The following SLC35D4 variants were observed in gnomAD, a reference collection of about 807,000 sequenced individuals.
SLC35D4 encodes the protein solute carrier family 35 member D4, also known as UDP-N-acetylglucosamine transporter SLC35D4.
chr18:23,245,442 C>T, the SLC35D4 span, among the ~76,000 whole-genome samples: 13 of 148,740 alleles, frequency 8.7e-5, no homozygotes, highest in South Asian at 8.6e-4. Context: ...ACCCGGGAGG[C>T]GGAAGTTGCA....
the SLC35D4 span, among the ~76,000 whole-genome samples, chr18:23,425,252 C>T: frequency 2.7e-3 from 412 of 152,190 alleles, 3 homozygotes; most frequent in African/African-American, 9.5e-3. Flanking sequence ...AGGTGCTCAC[C>T]ATCACACCTG....
chr18:23,252,678 C>A, the SLC35D4 span, among the ~76,000 whole-genome samples: 1 of 152,192 alleles, frequency 6.6e-6, no homozygotes, highest in Admixed American at 6.5e-5. Flanking sequence ...TGGGAACTGA[C>A]ACAGGCACCC....
At chr18:23,249,759 C>T in the SLC35D4 span, among the ~76,000 whole-genome samples, 3 of 152,130 alleles carry the variant, frequency 2.0e-5, no homozygotes, top group Admixed American at 6.5e-5. Flanking sequence ...ACCCCCCGCC[C>T]CCGACAGCCC....
the SLC35D4 span, among the ~76,000 whole-genome samples, chr18:23,435,729 C>G: frequency 3.9e-5 from 6 of 152,374 alleles, no homozygotes; most frequent in South Asian, 2.1e-4. Context: ...AAGTCTGGCT[C>G]TATTGCCCAG....
At chr18:23,330,439 G>A in the SLC35D4 span, among the ~76,000 whole-genome samples, 1 of 151,988 alleles carries the variant, frequency 6.6e-6, no homozygotes, top group African/African-American at 2.4e-5. Flanking sequence ...TTCTAGAGAT[G>A]TCATGGGTCA....
At chr18:23,415,309 T>C in the SLC35D4 span, among the ~76,000 whole-genome samples, 4 of 152,322 alleles carry the variant, frequency 2.6e-5, no homozygotes, top group South Asian at 8.3e-4. Context: ...AAATTTCTGG[T>C]CACAAAGGTA....
At chr18:23,376,932 A>C in the SLC35D4 span, 1 of 456,704 alleles carries the variant, frequency 2.2e-6, no homozygotes, top group Non-Finnish European at 4.4e-6. Context: ...TTGTTCTTTC[A>C]AGGTGCAACC....
chr18:23,410,042 C>T, the SLC35D4 span, among the ~76,000 whole-genome samples: 2 of 152,074 alleles, frequency 1.3e-5, no homozygotes, highest in African/African-American at 4.8e-5. Context: ...ATATCAGGAA[C>T]TTAAGCACCT....
the SLC35D4 span, among the ~76,000 whole-genome samples, chr18:23,409,799 G>A: frequency 2.0e-5 from 3 of 146,720 alleles, no homozygotes; most frequent in Non-Finnish European, 4.5e-5. Flanking sequence ...AGCCGAGATC[G>A]CACCATTGCA....
the SLC35D4 span, among the ~76,000 whole-genome samples, chr18:23,391,795 C>CT: frequency 1.3e-5 from 2 of 151,984 alleles, no homozygotes; most frequent in Admixed American, 6.6e-5. Flanking sequence ...ACTTTCATAA[C>CT]TTTTTTATTT....
At chr18:23,330,555 G>A in the SLC35D4 span, among the ~76,000 whole-genome samples, 7 of 152,154 alleles carry the variant, frequency 4.6e-5, no homozygotes, top group East Asian at 1.4e-3. Context: ...AGGAAACCAC[G>A]CCATTTGCAT....
chr18:23,360,434 A>G, the SLC35D4 span, among the ~76,000 whole-genome samples: 2 of 152,212 alleles, frequency 1.3e-5, no homozygotes, highest in Admixed American at 6.5e-5. Context: ...ATACAATGGA[A>G]CCCTACCAGC....
chr18:23,382,557 G>C, the SLC35D4 span, among the ~76,000 whole-genome samples: 2 of 139,410 alleles, frequency 1.4e-5, no homozygotes, highest in Non-Finnish European at 3.3e-5. Flanking sequence ...TTATGTATTA[G>C]GGAGAAAGAA....
At chr18:23,239,029 C>T in the SLC35D4 span, among the ~76,000 whole-genome samples, 1 of 152,230 alleles carries the variant, frequency 6.6e-6, no homozygotes, top group Non-Finnish European at 1.5e-5. Flanking sequence ...GCCGACCTCT[C>T]CTTTTATAGG....
chr18:23,368,747 G>A, the SLC35D4 span: 7 of 1,452,940 alleles, frequency 4.8e-6, no homozygotes, highest in African/African-American at 1.4e-5. Flanking sequence ...GCTGGTCAAT[G>A]TCACTAAGGA....
chr18:23,257,587 G>C, the SLC35D4 span: 6 of 487,400 alleles, frequency 1.2e-5, no homozygotes, highest in Non-Finnish European at 7.1e-6. Flanking sequence ...GGAAGAGGAG[G>C]TGTGTGCTGA....
the SLC35D4 span, among the ~76,000 whole-genome samples, chr18:23,273,368 G>T: frequency 6.6e-6 from 1 of 152,220 alleles, no homozygotes; most frequent in African/African-American, 2.4e-5. Context: ...CTGGGACGGT[G>T]AATGAGCTCA....
the SLC35D4 span, chr18:23,259,473 G>GC: frequency 6.6e-6 from 1 of 152,164 alleles, no homozygotes; most frequent in African/African-American, 2.4e-5. Flanking sequence ...TATGAGGTGA[G>GC]CCCATGAAGT....
the SLC35D4 span, among the ~76,000 whole-genome samples, chr18:23,363,252 C>CAAA: frequency 9.3e-6 from 1 of 107,952 alleles, no homozygotes; most frequent in Non-Finnish European, 1.9e-5. Context: ...GACTCTGTCT[C>CAAA]AAAAAAAAAA....
Sources: allele counts gnomAD v4.1 joint callset (sites outside exome capture counted in the v4.1 genomes callset), GRCh38; gene constraint gnomAD v4.1.1; transcripts MANE v1.5; gene names NCBI Gene and HGNC (gene_info 2026-07-23, HGNC 2026-07-21).